EXOC4: variants seen among roughly 807,000 people sequenced by gnomAD.
The protein encoded by EXOC4 is exocyst complex component 4.
In EXOC4, 71 loss-of-function variants were observed where a neutral mutation model predicts 107.2. The observed-to-expected ratio is 0.66, with a 90% confidence interval of 0.55 to 0.81. The LOEUF is 0.81. Ranked by LOEUF, EXOC4 falls within the 30% of genes least tolerant of loss-of-function variation. EXOC4 has a pLI of 0.00. For missense variants in EXOC4, 1,108 were observed against 1,189.6 expected (o/e 0.93, Z 1.01); for synonymous variants, 456 against 441.2 (o/e 1.03, Z -0.42).
chr7:133,537,270 C>T (rs2150927167), intron 9 of EXOC4, among the ~76,000 whole-genome samples: 1 of 151,826 alleles, frequency 6.6e-6, no homozygotes, highest in South Asian at 2.1e-4. Flanking sequence ...TGTGCCTCAG[C>T]CTCCTGGGTA....
At chr7:133,546,501 C>T (rs1203634382) in intron 9 of EXOC4, among the ~76,000 whole-genome samples, 3 of 152,160 alleles carry the variant, frequency 2.0e-5, no homozygotes, top group African/African-American at 7.2e-5. Context: ...AGCGATCTGC[C>T]TGCCTCAGCC....
At chr7:133,686,787 A>G (rs1794307194) in intron 10 of EXOC4, among the ~76,000 whole-genome samples, 1 of 152,168 alleles carries the variant, frequency 6.6e-6, no homozygotes, top group Non-Finnish European at 1.5e-5. Flanking sequence ...ACCACCATGG[A>G]AAACAGTGTA....
intron 10 of EXOC4, among the ~76,000 whole-genome samples, chr7:133,651,649 G>T (rs180700323): frequency 6.6e-6 from 1 of 152,060 alleles, no homozygotes; most frequent in Non-Finnish European, 1.5e-5. Flanking sequence ...TATTAGAGTT[G>T]CCCAGAAGGA....
intron 4 of EXOC4, among the ~76,000 whole-genome samples, chr7:133,310,313 A>G (rs1423004711): frequency 6.6e-6 from 1 of 152,154 alleles, no homozygotes; most frequent in Non-Finnish European, 1.5e-5. Flanking sequence ...TGCACAGTAA[A>G]TCCTCACTTA....
chr7:133,719,432 A>C (rs920871699), intron 10 of EXOC4, among the ~76,000 whole-genome samples: 1 of 152,048 alleles, frequency 6.6e-6, no homozygotes, highest in Non-Finnish European at 1.5e-5. Context: ...AAAGTAAACA[A>C]ATTAAAAGCA....
chr7:133,525,745 A>G (rs1419512625), intron 9 of EXOC4, among the ~76,000 whole-genome samples: 3 of 152,198 alleles, frequency 2.0e-5, no homozygotes, highest in Non-Finnish European at 4.4e-5. Context: ...AACACCTGTA[A>G]TATAGTATGA....
At chr7:133,446,864 G>A (rs1248219483) in intron 7 of EXOC4, among the ~76,000 whole-genome samples, 1 of 152,168 alleles carries the variant, frequency 6.6e-6, no homozygotes, top group Non-Finnish European at 1.5e-5. Context: ...CACAGTGTAA[G>A]TGGTAAATTT....
intron 7 of EXOC4, among the ~76,000 whole-genome samples, chr7:133,395,916 A>ATT (rs562900911): frequency 6.7e-6 from 1 of 149,526 alleles, no homozygotes; most frequent in South Asian, 2.1e-4. Context: ...ATGATGATTG[A>ATT]TTTTTTTTTT....
At chr7:133,730,569 G>C (rs186673086) in intron 10 of EXOC4, among the ~76,000 whole-genome samples, 1 of 151,992 alleles carries the variant, frequency 6.6e-6, no homozygotes, top group Non-Finnish European at 1.5e-5. Flanking sequence ...TTTCACATTC[G>C]CTTTGGGATG....
At chr7:133,582,633 A>G (rs917400979) in intron 9 of EXOC4, among the ~76,000 whole-genome samples, 1 of 151,876 alleles carries the variant, frequency 6.6e-6, no homozygotes, top group Non-Finnish European at 1.5e-5. Flanking sequence ...GTTTTTCGTA[A>G]TGTTGTTTAC....
At chr7:133,293,066 T>G (rs1794442937) in intron 3 of EXOC4, among the ~76,000 whole-genome samples, 1 of 152,218 alleles carries the variant, frequency 6.6e-6, no homozygotes, top group Admixed American at 6.5e-5. Flanking sequence ...TGGTACTATT[T>G]GAAATATGTT....
chr7:133,782,518 A>T (rs1161510196), intron 10 of EXOC4, among the ~76,000 whole-genome samples: 1 of 152,166 alleles, frequency 6.6e-6, no homozygotes, highest in Admixed American at 6.5e-5. Context: ...GCTTGAACAG[A>T]TGAAACTCAG....
At chr7:133,760,077 T>C (rs1279842906) in intron 10 of EXOC4, among the ~76,000 whole-genome samples, 2 of 152,186 alleles carry the variant, frequency 1.3e-5, no homozygotes, top group Non-Finnish European at 2.9e-5. Flanking sequence ...ATTCTGTTTT[T>C]AGGGGTGCTG....
At chr7:133,629,886 C>T (rs1802548013) in intron 9 of EXOC4, among the ~76,000 whole-genome samples, 159 bp from the exon 10 acceptor site, 1 of 152,002 alleles carries the variant, frequency 6.6e-6, no homozygotes, top group Non-Finnish European at 1.5e-5. Context: ...TGAGGAAGAC[C>T]AGATGAAGTC....
intron 2 of EXOC4, among the ~76,000 whole-genome samples, chr7:133,284,199 A>G (rs577854052): frequency 6.6e-6 from 1 of 152,316 alleles, no homozygotes; most frequent in South Asian, 2.1e-4. Context: ...CCTAGTGTGA[A>G]GTGACACAAT....
intron 10 of EXOC4, among the ~76,000 whole-genome samples, chr7:133,657,801 G>A (rs911410793): frequency 2.0e-5 from 3 of 152,172 alleles, no homozygotes; most frequent in African/African-American, 7.2e-5. Context: ...GTGGGTCCTT[G>A]GACTTTGTCA....
chr7:133,356,266 C>T, intron 5 of EXOC4, 64 bp from the exon 6 acceptor site: 1 of 1,532,124 alleles, frequency 6.5e-7, no homozygotes, highest in Middle Eastern at 1.8e-4. Flanking sequence ...GTTTATTAGA[C>T]TGCTCTGTTT....
intron 10 of EXOC4, among the ~76,000 whole-genome samples, chr7:133,750,636 A>G (rs1795777481): frequency 6.6e-6 from 1 of 151,374 alleles, no homozygotes; most frequent in African/African-American, 2.4e-5. Context: ...GCTGGAGCAC[A>G]GTGGCACAGT....
intron 4 of EXOC4, among the ~76,000 whole-genome samples, chr7:133,311,998 A>G (rs949713835): frequency 6.6e-6 from 1 of 152,200 alleles, no homozygotes; most frequent in African/African-American, 2.4e-5. Context: ...GGAATAACCA[A>G]TATGCCTTTT....
Sources: allele counts gnomAD v4.1 joint callset (sites outside exome capture counted in the v4.1 genomes callset), GRCh38; gene constraint gnomAD v4.1.1; transcripts MANE v1.5; gene names NCBI Gene and HGNC (gene_info 2026-07-23, HGNC 2026-07-21).